Variants in FECH observed in about 807,000 individuals in gnomAD.
FECH encodes ferrochelatase, also known as ferrochelatase, mitochondrial.
FECH carries 40 observed loss-of-function variants against 56.9 expected under a neutral mutation model. The ratio of observed to expected loss-of-function variants is 0.70; its 90% CI spans 0.55 to 0.92. The LOEUF (loss-of-function observed/expected upper bound fraction) is 0.92, where lower values mean the gene tolerates loss of function less well. FECH is among the 40% of genes least tolerant of loss of function. The pLI is 0.00. For synonymous variants in FECH, 175 were observed against 198.6 expected (o/e 0.88, Z 1.00); for missense variants, 431 against 529.1 (o/e 0.81, Z 1.82).
In FECH at chr18:57,550,656, C is replaced by T. The variant is rs1287797459; in HGVS notation, c.*56G>A. ...TCTCTAAATAACACCCTCTCCACAT[C>T]GGAGGTATCTGGAGGTTGGGCATTT... On this transcript the variant is annotated 3_prime_UTR_variant, in exon 11 of 11. Coordinates refer to ENST00000262093, the MANE Select transcript of FECH (RefSeq NM_000140.5). The T allele has an allele frequency of 7.5e-6, 12 of 1,606,300 alleles. No individual in the cohort carries two copies. Among genetic ancestry groups the T allele is most frequent in the South Asian group, 3.3e-5 (3 of 90,730 alleles).
chr18:57,572,967 T>C (rs934146600), intron 3 of FECH: 1 of 436,874 alleles, frequency 2.3e-6, no homozygotes, highest in African/African-American at 2.0e-5. Context: ...AATATATCTT[T>C]AAAAATCTTT....
At chr18:57,572,501 T>G (rs534974357) in intron 3 of FECH, among the ~76,000 whole-genome samples, 1 of 99,170 alleles carries the variant, frequency 1.0e-5, no homozygotes, top group African/African-American at 4.4e-5. Flanking sequence ...ACATGGCACA[T>G]GTATACGTAT....
intron 5 of FECH, among the ~76,000 whole-genome samples, chr18:57,564,676 G>A (rs1184693975): frequency 1.3e-5 from 2 of 152,200 alleles, no homozygotes; most frequent in Non-Finnish European, 2.9e-5. Context: ...AGAATTCAAA[G>A]GGACTCCATT....
At chr18:57,571,678 G>C in intron 3 of FECH, 138 bp from the exon 4 acceptor site, 3 of 1,238,766 alleles carry the variant, frequency 2.4e-6, no homozygotes, top group Non-Finnish European at 3.4e-6. Context: ...AGAAGCTTGA[G>C]GTCATTGACA....
rs574622266 is a variant in FECH at position 57,562,241 on chromosome 18, T to C, written c.705+633A>G. On this transcript the variant is annotated intron_variant, in intron 6 of 10. Coordinates refer to ENST00000262093, the MANE Select transcript of FECH (RefSeq NM_000140.5). ...ATAATTTAGGGCAATATTTTACCAA[T>C]TGCCCTCCCATATTTGACAGGCAGA... is the stretch of plus-strand genomic sequence containing the variant. 3.9e-5 allele frequency among the ~76,000 whole-genome samples: 6 copies of C among 152,366 alleles called. No homozygotes were observed. The South Asian group carries it at 1.0e-3, about 26-fold the overall frequency.
intron 6 of FECH, 102 bp from the exon 7 acceptor site, chr18:57,559,345 G>A (rs1469648844): frequency 5.0e-5 from 42 of 833,672 alleles, no homozygotes; most frequent in Admixed American, 1.4e-4. Flanking sequence ...AAATCTCAGA[G>A]CAACCCTCAA....
intron 10 of FECH, 62 bp from the exon 11 acceptor site, chr18:57,550,908 C>T: frequency 6.2e-7 from 1 of 1,607,588 alleles, no homozygotes; most frequent in South Asian, 1.1e-5. Context: ...TCTGCCATGC[C>T]CCCTCCTCCA....
At chr18:57,569,188 A>G (rs1157336148) in intron 4 of FECH, among the ~76,000 whole-genome samples, 1 of 152,268 alleles carries the variant, frequency 6.6e-6, no homozygotes, top group Non-Finnish European at 1.5e-5. Context: ...TTTGAGATTT[A>G]GACTTTCCAT....
intron 1 of FECH, among the ~76,000 whole-genome samples, chr18:57,581,465 A>G (rs2051276158): frequency 1.3e-5 from 2 of 152,240 alleles, no homozygotes; most frequent in Non-Finnish European, 2.9e-5. Context: ...TGCTATGCAC[A>G]TGACCTCTTC....
chr18:57,567,146 C>T (rs1194898439), intron 4 of FECH, among the ~76,000 whole-genome samples: 1 of 152,076 alleles, frequency 6.6e-6, no homozygotes, highest in Non-Finnish European at 1.5e-5. Flanking sequence ...TACCCAGTTC[C>T]CCGAACCCCC....
At chr18:57,557,048 A>T (rs962007464) in intron 7 of FECH, among the ~76,000 whole-genome samples, 1 of 152,014 alleles carries the variant, frequency 6.6e-6, no homozygotes. Flanking sequence ...CCTGGGAGAG[A>T]AAAAGGACAT....
chr18:57,568,062 C>T lies in FECH; in HGVS notation c.464-1481G>A, dbSNP rs141575757. On this transcript the variant is annotated intron_variant, in intron 4 of 10. Transcript: ENST00000262093. Reference sequence around the variant, plus strand: ...AGATTATGTGCTTTGTGCTAAAAACCGCCAACTATTACAATACCATCAAAT... The same window carrying T: ...AGATTATGTGCTTTGTGCTAAAAACTGCCAACTATTACAATACCATCAAAT... Among the ~76,000 whole-genome samples the T allele has an allele frequency of 5.5e-3, 837 of 152,212 alleles. 9 individuals are homozygous for T. Among genetic ancestry groups the T allele is most frequent in the African/African-American group, 0.019 (790 of 41,522 alleles).
At chr18:57,562,773 G>T in intron 6 of FECH, 101 bp downstream of exon 6, 1 of 839,942 alleles carries the variant, frequency 1.2e-6, no homozygotes, top group Non-Finnish European at 2.1e-6. Flanking sequence ...TTAAGCAAGG[G>T]AACAGTAAGG....
At chr18:57,578,051 ATTTAAT>A (rs1339862602) in intron 2 of FECH, among the ~76,000 whole-genome samples, 1 of 152,150 alleles carries the variant, frequency 6.6e-6, no homozygotes, top group Non-Finnish European at 1.5e-5. Context: ...AAAGACTTTC[ATTTAAT>A]TTTAATAATA....
chr18:57,564,982 C>T (rs894796427), intron 5 of FECH, among the ~76,000 whole-genome samples: 1 of 152,208 alleles, frequency 6.6e-6, no homozygotes, highest in Non-Finnish European at 1.5e-5. Context: ...GAAGAATTAA[C>T]GTACTTCGCA....
intron 1 of FECH, 117 bp downstream of exon 1, chr18:57,586,437 C>A: frequency 8.6e-7 from 1 of 1,159,340 alleles, no homozygotes; most frequent in Non-Finnish European, 1.2e-6. Context: ...GCTCGCAGCA[C>A]CCCCAAGGCC....
intron 4 of FECH, among the ~76,000 whole-genome samples, chr18:57,570,483 G>A (rs2051089230): frequency 6.6e-6 from 1 of 152,232 alleles, no homozygotes; most frequent in Admixed American, 6.5e-5. Context: ...TGCTTGCTCA[G>A]TGATGTCAGA....
intron 1 of FECH, 109 bp downstream of exon 1, chr18:57,586,445 G>A (rs1330769002): frequency 8.1e-6 from 10 of 1,241,800 alleles, no homozygotes; most frequent in Non-Finnish European, 1.1e-5. Context: ...CACCCCCAAG[G>A]CCGCTCCCCG....
chr18:57,583,034 A>T (rs1211937636), intron 1 of FECH, among the ~76,000 whole-genome samples: 2 of 152,116 alleles, frequency 1.3e-5, no homozygotes, highest in Non-Finnish European at 2.9e-5. Context: ...ACCATGTCTT[A>T]CTTACAAAAT....
Sources: allele counts gnomAD v4.1 joint callset (sites outside exome capture counted in the v4.1 genomes callset), GRCh38; gene constraint gnomAD v4.1.1; transcripts MANE v1.5; gene names NCBI Gene and HGNC (gene_info 2026-07-23, HGNC 2026-07-21).